The following UNC13B variants were observed in gnomAD, a reference collection of about 807,000 sequenced individuals.
The protein encoded by UNC13B is protein unc-13 homolog B.
A neutral mutation model predicts 211.0 loss-of-function variants in UNC13B; 144 were observed. The observed-to-expected ratio is 0.68, with a 90% CI of 0.60 to 0.78. The LOEUF (loss-of-function observed/expected upper bound fraction) is 0.78. Ranked by LOEUF, UNC13B falls within the 30% of genes least tolerant of loss-of-function variation. The probability of loss-of-function intolerance (pLI) is 0.00; values close to 1 mark genes in which losing one functional copy is unlikely to be tolerated. For synonymous variants in UNC13B, 709 were observed against 725.8 expected, an observed-to-expected ratio of 0.98 and a Z score of 0.37; for missense variants, 1,777 against 2,002.0, an observed-to-expected ratio of 0.89 and a Z score of 2.14.
chr9:35,296,872 C>T (rs1423779681), intron 8 of UNC13B, among the ~76,000 whole-genome samples: 1 of 152,126 alleles, frequency 6.6e-6, no homozygotes, highest in African/African-American at 2.4e-5. Context: ...ATCATGATCA[C>T]ACTCAAGAAG....
rs377673433 is a variant in UNC13B at position 35,398,620 on chromosome 9, C to T, written c.11899C>T (p.Leu3967Phe). 1 of 1,613,902 alleles carries T rather than the reference C, an allele frequency of 6.2e-7. No individual in the cohort carries two copies. Among genetic ancestry groups the T allele is most frequent in the African/African-American group, 1.3e-5 (1 of 74,888 alleles). ...GAAACTGAATACGGTTCTGGATGAG[C>T]TCAGCATGGTGTTTGGAAACAGGTC... ...QVKLNTVLDE[L>F]SMVFGNSFQV... The change falls in exon 32 of 40, where the codon CTC becomes TTC. Residue 3967 changes from leucine (L) to phenylalanine (F), a missense_variant. Coordinates refer to ENST00000635942, the MANE Select transcript of UNC13B (RefSeq NM_001371189.2).
At chr9:35,312,785 A>C (rs2131869837) in intron 10 of UNC13B, among the ~76,000 whole-genome samples, 1 of 152,374 alleles carries the variant, frequency 6.6e-6, no homozygotes, top group Middle Eastern at 3.4e-3. Context: ...AATAATGTGG[A>C]TAATGAGTTG....
intron 1 of UNC13B, among the ~76,000 whole-genome samples, chr9:35,186,855 G>A (rs533949202): frequency 1.6e-4 from 24 of 151,912 alleles, no homozygotes; most frequent in African/African-American, 5.1e-4. Context: ...AAGGAACACC[G>A]CGCCCGGCCA....
chr9:35,317,094 G>A (rs772777212), intron 11 of UNC13B, among the ~76,000 whole-genome samples: 22 of 152,060 alleles, frequency 1.4e-4, no homozygotes, highest in Non-Finnish European at 2.2e-4. Context: ...ATGAATAAGC[G>A]TACATATGTT....
intron 1 of UNC13B, among the ~76,000 whole-genome samples, chr9:35,210,019 C>T (rs1042900096): frequency 7.9e-5 from 12 of 152,030 alleles, no homozygotes; most frequent in South Asian, 2.1e-4. Flanking sequence ...GTGGGTGGAT[C>T]GCTTGAGCCC....
At chr9:35,291,342 T>A (rs1272678511) in intron 7 of UNC13B, among the ~76,000 whole-genome samples, 1 of 152,226 alleles carries the variant, frequency 6.6e-6, no homozygotes, top group Non-Finnish European at 1.5e-5. Flanking sequence ...CCAGTCATAA[T>A]CCTGACAAGA....
chr9:35,301,132 G>A lies in UNC13B; in HGVS notation c.1728G>A (p.Glu576=), dbSNP rs1433115143. ...PEKTETLNQI[E]AINLGSKPRA... ...AAACAGAAACTCTTAATCAAATAGA[G>A]GCAATTAATTTGGGATCTAAACCCA... Residue 576 remains glutamate, a synonymous_variant, in exon 9 of 40, where the codon GAG becomes GAA. Transcript: ENST00000635942. The A allele has an allele frequency of 5.0e-6, 2 of 398,750 alleles. No homozygotes were observed. The highest frequency in any genetic ancestry group is 8.9e-6 in the Non-Finnish European group (2 of 225,970). The allele number at this position is 398,750 out of a possible 1,614,324, so 24.7% of individuals were successfully genotyped here. A position where few individuals can be genotyped will look rare whatever the true frequency, so the allele number is the denominator to read the frequency against.
intron 5 of UNC13B, among the ~76,000 whole-genome samples, chr9:35,240,980 A>T (rs1587444528): frequency 6.6e-6 from 1 of 151,156 alleles, no homozygotes; most frequent in Non-Finnish European, 1.5e-5. Context: ...ACTTGAACCC[A>T]GGAGGCATGG....
At position 35,237,802 on chromosome 9, in the gene UNC13B, G is replaced by C; in HGVS notation, c.370G>C (p.Asp124His). The part of the protein sequence containing the change: ...RNPTPHKILL[D>H]TRFELPFDIP... ...CCCAACTCCTCATAAAATTTTGCTT[G>C]ATACAAGATTTGAGTTGCCTTTTGG... is the stretch of plus-strand genomic sequence containing the variant. Residue 124 changes from aspartate to histidine, a missense_variant, in exon 5 of 40, where the codon GAT (aspartate) becomes CAT (histidine). By Grantham distance (81) the Asp-to-His change is moderately conservative. Transcript: ENST00000635942. 6.2e-7 allele frequency: 1 copy of C among 1,613,144 alleles called. No individual in the cohort carries two copies. Among genetic ancestry groups the C allele is most frequent in the Non-Finnish European group, 8.5e-7 (1 of 1,179,764 alleles).
chr9:35,349,186 G>T (rs1165557224), intron 11 of UNC13B, among the ~76,000 whole-genome samples: 2 of 152,112 alleles, frequency 1.3e-5, no homozygotes, highest in African/African-American at 4.8e-5. Context: ...AAAGTGCTGG[G>T]ATTACAGGCG....
chr9:35,319,135 T>C (rs1281279360), intron 11 of UNC13B, among the ~76,000 whole-genome samples: 3 of 152,176 alleles, frequency 2.0e-5, no homozygotes, highest in African/African-American at 7.2e-5. Context: ...TTTCAACTTC[T>C]ATTAATATTT....
intron 12 of UNC13B, among the ~76,000 whole-genome samples, chr9:35,367,850 G>C (rs145415942): frequency 6.6e-6 from 1 of 152,162 alleles, no homozygotes; most frequent in East Asian, 1.9e-4. Context: ...AGAGAAGAGA[G>C]TTCAAGTACC....
intron 1 of UNC13B, among the ~76,000 whole-genome samples, chr9:35,193,982 A>G (rs2131350258): frequency 6.6e-6 from 1 of 151,736 alleles, no homozygotes; most frequent in East Asian, 1.9e-4. Context: ...TTGACACGCC[A>G]TGTGCTCTCC....
At chr9:35,291,005 CTT>C (rs1829071241) in intron 7 of UNC13B, 9 of 1,506,292 alleles carry the variant, frequency 6.0e-6, no homozygotes, top group Non-Finnish European at 8.1e-6. Context: ...GGGGAAATGA[CTT>C]TTGAATTCCT....
chr9:35,400,978 T>C (rs567829477), intron 37 of UNC13B, among the ~76,000 whole-genome samples: 4 of 152,232 alleles, frequency 2.6e-5, no homozygotes, highest in African/African-American at 9.6e-5. Flanking sequence ...GGGGTGCTGT[T>C]TATGCACAGG....
In UNC13B at chr9:35,385,288, G is replaced by A. The variant is rs1455137971; in HGVS notation, c.10876-436G>A. On this transcript the variant is annotated intron_variant, in intron 22 of 39. Transcript: ENST00000635942. ...AGAGCTGGGTTCTATTGTACAAAAA[G>A]TACAGGTCCTGGACCTCAGTTTGGT... 3 of 985,334 alleles carry A rather than the reference G, an allele frequency of 3.0e-6. No homozygotes were observed. In the Admixed American group the frequency reaches 1.8e-4, roughly 61 times the overall value. The allele number at this position is 985,334 out of a possible 1,614,324, so 61.0% of individuals were successfully genotyped here. A position where few individuals can be genotyped will look rare whatever the true frequency, so the allele number is the denominator to read the frequency against.
intron 7 of UNC13B, among the ~76,000 whole-genome samples, chr9:35,286,226 C>CTTTT (rs777657602): frequency 1.2e-4 from 14 of 117,648 alleles, no homozygotes; most frequent in South Asian, 2.9e-4. Context: ...AAGCTTGGAA[C>CTTTT]TTTTTTTTTT....
chr9:35,217,387 G>GTTTT (rs919989545), intron 1 of UNC13B, among the ~76,000 whole-genome samples: 1 of 146,168 alleles, frequency 6.8e-6, no homozygotes, highest in African/African-American at 2.6e-5. Context: ...TTGTTTGTTT[G>GTTTT]TTTTTTTTGT....
At chr9:35,291,443 G>A (rs1318117064) in intron 7 of UNC13B, among the ~76,000 whole-genome samples, 1 of 152,200 alleles carries the variant, frequency 6.6e-6, no homozygotes, top group Non-Finnish European at 1.5e-5. Flanking sequence ...GGAGTGCAGT[G>A]ACCAGAAGGA....
Sources: gnomAD v4.1 joint callset for allele counts (sites outside exome capture counted in the v4.1 genomes callset) on GRCh38, gnomAD v4.1.1 for gene constraint, MANE v1.5 for transcripts, NCBI Gene and HGNC (gene_info 2026-07-23, HGNC 2026-07-21) for gene names.